Variants in PCDH9 observed in about 807,000 individuals in gnomAD.
PCDH9 encodes protocadherin 9, also known as protocadherin-9.
PCDH9 carries 24 observed loss-of-function variants against 70.6 expected under a neutral mutation model. That is an observed-to-expected ratio of 0.34 (90% CI 0.25 to 0.48). PCDH9 has a LOEUF of 0.48. PCDH9 is among the 20% of genes least tolerant of loss of function. The pLI is 0.99. For synonymous variants in PCDH9, 562 were observed against 558.5 expected (o/e 1.01, Z -0.09); for missense variants, 1,281 against 1,503.6 (o/e 0.85, Z 2.45).
intron 2 of PCDH9, among the ~76,000 whole-genome samples, chr13:66,923,953 T>C (rs2082677952): frequency 6.6e-6 from 1 of 151,788 alleles, no homozygotes; most frequent in African/African-American, 2.4e-5. Context: ...TTAAAAACCG[T>C]TTAAAGATAC....
chr13:66,426,926 C>T (rs1337338525), intron 4 of PCDH9, among the ~76,000 whole-genome samples: 1 of 151,176 alleles, frequency 6.6e-6, no homozygotes, highest in Non-Finnish European at 1.5e-5. Flanking sequence ...TAATTACTGC[C>T]TAGTTTATGT....
At chr13:67,138,231 C>T (rs902026033) in intron 2 of PCDH9, among the ~76,000 whole-genome samples, 25 of 152,110 alleles carry the variant, frequency 1.6e-4, no homozygotes, top group African/African-American at 6.0e-4. Context: ...GAACACATCC[C>T]CATTTCATTG....
intron 3 of PCDH9, among the ~76,000 whole-genome samples, chr13:66,874,942 TGAGAGA>T (rs1555279830): frequency 9.1e-6 from 1 of 109,932 alleles, no homozygotes; most frequent in African/African-American, 2.7e-5. Flanking sequence ...TGTGTGTGTG[TGAGAGA>T]GAGAGAGAGA....
At chr13:66,689,706 C>A (rs1010850425) in intron 3 of PCDH9, among the ~76,000 whole-genome samples, 1 of 152,040 alleles carries the variant, frequency 6.6e-6, no homozygotes, top group East Asian at 1.9e-4. Flanking sequence ...AAAAAGGTAT[C>A]TTCGGGTGTT....
In PCDH9 at chr13:67,038,369, C is replaced by T. The variant is rs536477907; in HGVS notation, c.3037-134764G>A. On this transcript the variant is annotated intron_variant, in intron 2 of 4. Transcript: ENST00000377865. ...TTTTTAAAAAGATATTTTAAGATCACTATAGGCTTGAGAGAATAAGAATAA... is the reference window on the plus strand; with the variant it reads ...TTTTTAAAAAGATATTTTAAGATCATTATAGGCTTGAGAGAATAAGAATAA... 2.2e-4 allele frequency among the ~76,000 whole-genome samples: 33 copies of T among 152,222 alleles called. No homozygotes were observed. In the East Asian group the frequency reaches 5.4e-3, roughly 25 times the overall value.
At chr13:66,696,239 G>C (rs1282649974) in intron 3 of PCDH9, among the ~76,000 whole-genome samples, 2 of 151,938 alleles carry the variant, frequency 1.3e-5, no homozygotes, top group Admixed American at 6.6e-5. Context: ...AAAAAAAGGA[G>C]AAATAATTTT....
chr13:67,102,934 C>T (rs551320665), intron 2 of PCDH9, among the ~76,000 whole-genome samples: 181 of 152,168 alleles, frequency 1.2e-3, no homozygotes, highest in Non-Finnish European at 2.3e-3. Flanking sequence ...TCTCCTCACA[C>T]ATAAAAATAC....
At chr13:66,513,103 C>A (rs1959564526) in intron 4 of PCDH9, among the ~76,000 whole-genome samples, 1 of 151,960 alleles carries the variant, frequency 6.6e-6, no homozygotes, top group South Asian at 2.1e-4. Context: ...CAGGTGTGAC[C>A]CACCGTACCA....
chr13:66,806,968 G>A (rs1342250332), intron 3 of PCDH9, among the ~76,000 whole-genome samples: 1 of 151,966 alleles, frequency 6.6e-6, no homozygotes, highest in Non-Finnish European at 1.5e-5. Flanking sequence ...CCCCTATTAT[G>A]TAAATAACTG....
intron 4 of PCDH9, among the ~76,000 whole-genome samples, chr13:66,327,197 A>G (rs912138367): frequency 2.0e-5 from 3 of 152,056 alleles, no homozygotes; most frequent in Non-Finnish European, 4.4e-5. Flanking sequence ...AAAAACCTCC[A>G]CAGTAACCCT....
intron 3 of PCDH9, among the ~76,000 whole-genome samples, chr13:66,781,189 T>G (rs1216764008): frequency 6.6e-6 from 1 of 152,210 alleles, no homozygotes; most frequent in Non-Finnish European, 1.5e-5. Flanking sequence ...TTATATAATT[T>G]TATTTAAATT....
At chr13:67,224,984 C>A (rs2089819881) in intron 2 of PCDH9, 3 of 1,020,526 alleles carry the variant, frequency 2.9e-6, no homozygotes, top group South Asian at 8.1e-5. Flanking sequence ...ATTGCAGTCA[C>A]ACCTTCAAAA....
intron 4 of PCDH9, among the ~76,000 whole-genome samples, chr13:66,389,660 T>G (rs779904952): frequency 6.6e-6 from 1 of 152,202 alleles, no homozygotes; most frequent in Non-Finnish European, 1.5e-5. Context: ...TGGCTAAAAC[T>G]TAGCTGGTAA....
chr13:66,631,451 C>G (rs2077570615), intron 3 of PCDH9, 40 bp from the exon 4 acceptor site: 1 of 1,207,442 alleles, frequency 8.3e-7, no homozygotes, highest in Non-Finnish European at 1.2e-6. Flanking sequence ...TAACACTCCT[C>G]TCAAATAAAA....
chr13:66,871,182 G>A (rs2081673649), intron 3 of PCDH9, among the ~76,000 whole-genome samples: 1 of 143,968 alleles, frequency 6.9e-6, no homozygotes, highest in Non-Finnish European at 1.5e-5. Context: ...GGTGGGAATT[G>A]AACAATGAGA....
At chr13:67,072,892 C>G (rs940070513) in intron 2 of PCDH9, among the ~76,000 whole-genome samples, 1 of 152,138 alleles carries the variant, frequency 6.6e-6, no homozygotes, top group African/African-American at 2.4e-5. Context: ...GTTTCAAAAA[C>G]TGTATACAAG....
intron 2 of PCDH9, among the ~76,000 whole-genome samples, chr13:67,103,265 A>T (rs1176214991): frequency 6.6e-6 from 1 of 152,170 alleles, no homozygotes; most frequent in Non-Finnish European, 1.5e-5. Context: ...AAATACTAAC[A>T]TATGTGAAAA....
chr13:66,695,010 T>C (rs1461989912), intron 3 of PCDH9, among the ~76,000 whole-genome samples: 2 of 151,854 alleles, frequency 1.3e-5, no homozygotes, highest in Admixed American at 1.3e-4. Flanking sequence ...TTCATGCCAT[T>C]CTCCTGCCTC....
chr13:66,365,792 T>TAGTATCA (rs1425853214), intron 4 of PCDH9, among the ~76,000 whole-genome samples: 1 of 152,148 alleles, frequency 6.6e-6, no homozygotes, highest in Non-Finnish European at 1.5e-5. Flanking sequence ...GCTTGATACG[T>TAGTATCA]AGTAAGGTCC....
Sources: allele counts gnomAD v4.1 joint callset (sites outside exome capture counted in the v4.1 genomes callset), GRCh38; gene constraint gnomAD v4.1.1; transcripts MANE v1.5; gene names NCBI Gene and HGNC (gene_info 2026-07-23, HGNC 2026-07-21).